Variants in DLG2 observed in about 807,000 individuals in gnomAD.
DLG2 encodes discs large MAGUK scaffold protein 2.
A neutral mutation model predicts 132.5 loss-of-function variants in DLG2; 45 were observed. The ratio of observed to expected loss-of-function variants is 0.34; its 90% CI spans 0.27 to 0.44. DLG2 has a LOEUF of 0.44. DLG2 is among the 20% of genes least tolerant of loss of function. The probability of loss-of-function intolerance (pLI) is 1.00; values close to 1 mark genes in which losing one functional copy is unlikely to be tolerated. For synonymous variants in DLG2, 424 were observed against 419.6 expected (o/e 1.01, Z -0.13); for missense variants, 1,045 against 1,196.9 (o/e 0.87, Z 1.87).
At position 84,617,062 on chromosome 11, in the gene DLG2, G is replaced by A. The variant is rs551590714; in HGVS notation, c.358-82331C>T. Among the ~76,000 whole-genome samples the A allele has an allele frequency of 8.6e-5, 13 of 151,260 alleles. No individual in the cohort carries two copies. The South Asian group carries it at 1.7e-3, about 20-fold the overall frequency. ...AGGTTTGTTACATAGGTATACACGT[G>A]CCATGGTGGTTTGATGCACCCATCA... On this transcript the variant is annotated intron_variant, in intron 6 of 27. Transcript: ENST00000376104.
chr11:85,570,464 T>C (rs2077783353), intron 3 of DLG2, among the ~76,000 whole-genome samples: 1 of 152,164 alleles, frequency 6.6e-6, no homozygotes, highest in South Asian at 2.1e-4. Flanking sequence ...GTTAATCCTA[T>C]TAGACTCCCT....
chr11:83,969,634 C>A (rs1328476894), intron 12 of DLG2, among the ~76,000 whole-genome samples: 1 of 152,084 alleles, frequency 6.6e-6, no homozygotes, highest in Non-Finnish European at 1.5e-5. Context: ...AGTGCCATGG[C>A]GTGATCTTGG....
chr11:84,395,214 T>C (rs1486174101), intron 7 of DLG2, among the ~76,000 whole-genome samples: 1 of 152,186 alleles, frequency 6.6e-6, no homozygotes, highest in Non-Finnish European at 1.5e-5. Flanking sequence ...TACAATTTCC[T>C]GTACTGTTTA....
chr11:84,431,860 T>C (rs2098985717), intron 7 of DLG2, among the ~76,000 whole-genome samples: 1 of 152,218 alleles, frequency 6.6e-6, no homozygotes, highest in African/African-American at 2.4e-5. Flanking sequence ...AGATGCATCT[T>C]GCAATTCATG....
intron 6 of DLG2, among the ~76,000 whole-genome samples, chr11:84,849,825 A>G: frequency 6.6e-6 from 1 of 152,220 alleles, no homozygotes; most frequent in Middle Eastern, 3.4e-3. Context: ...GACATTATCT[A>G]TCTTTTTCAC....
intron 6 of DLG2, among the ~76,000 whole-genome samples, chr11:85,007,523 G>A (rs899113611): frequency 7.9e-5 from 12 of 151,306 alleles, no homozygotes; most frequent in African/African-American, 2.2e-4. Flanking sequence ...AAAATTAGCC[G>A]GGCATGGTGG....
intron 6 of DLG2, among the ~76,000 whole-genome samples, chr11:84,610,101 A>C (rs1565447867): frequency 6.6e-6 from 1 of 152,254 alleles, no homozygotes; most frequent in East Asian, 1.9e-4. Flanking sequence ...GAAGTAATCC[A>C]ATATTTATCA....
chr11:84,395,521 A>G (rs542665497), intron 7 of DLG2, among the ~76,000 whole-genome samples: 46 of 151,942 alleles, frequency 3.0e-4, no homozygotes, highest in African/African-American at 1.1e-3. Flanking sequence ...AGCTTAAACA[A>G]TCCTCCCACC....
At chr11:84,877,753 A>C (rs2086613426) in intron 6 of DLG2, among the ~76,000 whole-genome samples, 1 of 152,154 alleles carries the variant, frequency 6.6e-6, no homozygotes, top group South Asian at 2.1e-4. Context: ...GCATAGCAAA[A>C]GAAACTGTCA....
Position 84,442,858 on chromosome 11 carries a change from G to T in DLG2, c.519+91712C>A, listed in dbSNP as rs547705821. On this transcript the variant is annotated intron_variant, in intron 7 of 27. Coordinates refer to ENST00000376104, the MANE Select transcript of DLG2 (RefSeq NM_001142699.3). ...TTAGCTGGAAAAAGTGCAATAATTA[G>T]TGCTAATGTATATTAAAAAGCAAAG... Among the ~76,000 whole-genome samples, 3 of 152,086 alleles carry T rather than the reference G, an allele frequency of 2.0e-5. No homozygotes were observed. The East Asian group carries it at 5.8e-4, about 29-fold the overall frequency.
At chr11:84,797,644 T>G (rs2074822691) in intron 6 of DLG2, among the ~76,000 whole-genome samples, 1 of 152,232 alleles carries the variant, frequency 6.6e-6, no homozygotes, top group Non-Finnish European at 1.5e-5. Flanking sequence ...TTTCTTGAAT[T>G]AGATTGAGCT....
intron 6 of DLG2, among the ~76,000 whole-genome samples, chr11:84,952,593 A>T (rs79448118): frequency 2.4e-5 from 3 of 125,860 alleles, no homozygotes; most frequent in Non-Finnish European, 5.2e-5. Context: ...GTTTAATATT[A>T]AAAAAAAAAA....
At chr11:84,434,722 G>C (rs2098995287) in intron 7 of DLG2, among the ~76,000 whole-genome samples, 1 of 152,032 alleles carries the variant, frequency 6.6e-6, no homozygotes, top group African/African-American at 2.4e-5. Context: ...AGGCAAAACA[G>C]TAGACAAGAC....
intron 18 of DLG2, among the ~76,000 whole-genome samples, chr11:83,678,077 C>T (rs1231577938): frequency 6.6e-6 from 1 of 152,158 alleles, no homozygotes; most frequent in Non-Finnish European, 1.5e-5. Context: ...TTCAAGTGCC[C>T]TAAAAGACAA....
chr11:84,990,487 G>A (rs971971192), intron 6 of DLG2, among the ~76,000 whole-genome samples: 3 of 151,866 alleles, frequency 2.0e-5, no homozygotes, highest in Admixed American at 6.6e-5. Context: ...AGCCTTCATC[G>A]GACACCAAAT....
chr11:84,415,626 T>A (rs2098926881), intron 7 of DLG2, among the ~76,000 whole-genome samples: 1 of 152,138 alleles, frequency 6.6e-6, no homozygotes, highest in African/African-American at 2.4e-5. Flanking sequence ...AAGTGGAGAT[T>A]TGTCATAGGT....
intron 6 of DLG2, among the ~76,000 whole-genome samples, chr11:84,852,718 T>C (rs1414267373): frequency 6.6e-6 from 1 of 151,946 alleles, no homozygotes; most frequent in African/African-American, 2.4e-5. Flanking sequence ...ACAAATCAAC[T>C]TCAAGAGTAA....
intron 6 of DLG2, among the ~76,000 whole-genome samples, chr11:84,625,017 C>G (rs1040012377): frequency 6.7e-6 from 1 of 149,786 alleles, no homozygotes; most frequent in East Asian, 2.0e-4. Context: ...CCCGCCACTA[C>G]GCCCGGCTAA....
intron 4 of DLG2, among the ~76,000 whole-genome samples, chr11:85,264,180 G>T (rs2077087116): frequency 6.6e-6 from 1 of 152,152 alleles, no homozygotes; most frequent in South Asian, 2.1e-4. Flanking sequence ...GGACTCCACA[G>T]AGGAATCACG....
Sources: gnomAD v4.1 joint callset for allele counts (sites outside exome capture counted in the v4.1 genomes callset) on GRCh38, gnomAD v4.1.1 for gene constraint, MANE v1.5 for transcripts, NCBI Gene and HGNC (gene_info 2026-07-23, HGNC 2026-07-21) for gene names.